The following TMEM87A variants were observed in gnomAD, a reference collection of about 807,000 sequenced individuals.
TMEM87A encodes the protein Golgi-pH regulating cation channel.
In TMEM87A, 50 loss-of-function variants were observed where a neutral mutation model predicts 90.0. The observed-to-expected ratio is 0.56, with a 90% confidence interval of 0.44 to 0.70. The LOEUF (loss-of-function observed/expected upper bound fraction) is 0.70, where lower values mean the gene tolerates loss of function less well. Ranked by LOEUF, TMEM87A falls within the 30% of genes least tolerant of loss-of-function variation. The probability of loss-of-function intolerance (pLI) is 0.00; values close to 1 mark genes in which losing one functional copy is unlikely to be tolerated. For missense variants in TMEM87A, 577 were observed against 660.5 expected, an observed-to-expected ratio of 0.87 and a Z score of 1.39; for synonymous variants, 226 against 226.7, an observed-to-expected ratio of 1.00 and a Z score of 0.03.
chr15:42,227,486 C>T (rs549013814), intron 14 of TMEM87A: 15 of 432,444 alleles, frequency 3.5e-5, no homozygotes, highest in Admixed American at 1.2e-4. Flanking sequence ...AATTCTCTCC[C>T]AAAACTGGGA....
At chr15:42,263,844 G>A (rs560277327) in intron 4 of TMEM87A, among the ~76,000 whole-genome samples, 2 of 152,296 alleles carry the variant, frequency 1.3e-5, no homozygotes, top group African/African-American at 4.8e-5. Flanking sequence ...GGTTAAAATG[G>A]TAAATTTTAT....
In TMEM87A at chr15:42,244,156, T is replaced by C. The variant is rs748266100; in HGVS notation, c.516A>G (p.Glu172=). The change falls in exon 7 of 20, where the codon GAA becomes GAG. Residue 172 remains glutamate, a synonymous_variant. Coordinates refer to ENST00000389834, the MANE Select transcript of TMEM87A (RefSeq NM_015497.5). The stretch of plus-strand genomic sequence containing the variant: ...GTGCATCTTGCCAAGTTTGCAATGG[T>C]TCATGCATTGCCTAGAAAGGGAAAA... ...TFIGDKTAMH[E]PLQTWQDAPY... 4 of 1,555,214 alleles carry C rather than the reference T, an allele frequency of 2.6e-6. No individual in the cohort carries two copies. Among genetic ancestry groups the C allele is most frequent in the Admixed American group, 2.2e-5 (1 of 45,948 alleles).
At chr15:42,270,700 A>G (rs2051505327) in intron 2 of TMEM87A, among the ~76,000 whole-genome samples, 1 of 152,208 alleles carries the variant, frequency 6.6e-6, no homozygotes, top group African/African-American at 2.4e-5. Flanking sequence ...ACAGGCTGTC[A>G]AGCTATTCCA....
chr15:42,271,018 AG>A (rs1307733019), intron 2 of TMEM87A, among the ~76,000 whole-genome samples: 4 of 152,254 alleles, frequency 2.6e-5, no homozygotes, highest in African/African-American at 9.6e-5. Context: ...CCGTGAAGAC[AG>A]TATGCATAGA....
intron 6 of TMEM87A, chr15:42,258,632 G>T: frequency 1.3e-6 from 1 of 791,448 alleles, no homozygotes; most frequent in Non-Finnish European, 1.6e-6. Flanking sequence ...TCACCACATT[G>T]GCCAAGCTGG....
intron 15 of TMEM87A, among the ~76,000 whole-genome samples, chr15:42,222,981 A>G (rs868401721): frequency 1.3e-5 from 2 of 152,332 alleles, no homozygotes; most frequent in Non-Finnish European, 2.9e-5. Flanking sequence ...ACTACTCCAT[A>G]TTTCTGAGAT....
At chr15:42,225,535 A>G (rs556152613) in intron 15 of TMEM87A, among the ~76,000 whole-genome samples, 1 of 152,192 alleles carries the variant, frequency 6.6e-6, no homozygotes, top group South Asian at 2.1e-4. Context: ...TGATACAATT[A>G]TATCTTCTGT....
At chr15:42,233,030 A>G (rs894005996) in intron 11 of TMEM87A, 183 bp downstream of exon 11, 6 of 380,762 alleles carry the variant, frequency 1.6e-5, no homozygotes, top group East Asian at 4.2e-5. Flanking sequence ...GGCACACACT[A>G]AATTTACAAA....
At chr15:42,248,752 TG>T (rs2051027804) in intron 6 of TMEM87A, among the ~76,000 whole-genome samples, 1 of 152,158 alleles carries the variant, frequency 6.6e-6, no homozygotes, top group Non-Finnish European at 1.5e-5. Flanking sequence ...CTCTTTTTTT[TG>T]TTGTGTCTCC....
chr15:42,229,509 ATCT>A (rs1051886918), intron 12 of TMEM87A, among the ~76,000 whole-genome samples: 3 of 152,016 alleles, frequency 2.0e-5, no homozygotes, highest in African/African-American at 4.8e-5. Context: ...AGTTAACATC[ATCT>A]TCTCTCTCCC....
At chr15:42,273,109 G>C in intron 1 of TMEM87A, 146 bp downstream of exon 1, 1 of 978,584 alleles carries the variant, frequency 1.0e-6, no homozygotes. Context: ...CAGGGAGGTG[G>C]GTCCCAGTTG....
rs560183618 is a variant in TMEM87A, at chr15:42,266,554, C to T, written c.291+1393G>A. Among the ~76,000 whole-genome samples the T allele has an allele frequency of 4.4e-4, 67 of 151,954 alleles. 1 individual carries two copies. In the South Asian group the frequency reaches 0.014, roughly 31 times the overall value. On this transcript the variant is annotated intron_variant, in intron 3 of 19. Transcript: ENST00000389834. ...CTATTTTCATAATAATAATAGTATG[C>T]TATTTGACTTGTAACGATATTACAA... is the stretch of plus-strand genomic sequence containing the variant.
intron 2 of TMEM87A, among the ~76,000 whole-genome samples, chr15:42,269,042 G>C (rs1320564579): frequency 6.6e-6 from 1 of 151,852 alleles, no homozygotes; most frequent in Non-Finnish European, 1.5e-5. Flanking sequence ...CCTTAAAAGA[G>C]GCCTCAAGGA....
intron 15 of TMEM87A, 159 bp downstream of exon 15, chr15:42,226,647 T>C: frequency 1.5e-6 from 1 of 648,652 alleles, no homozygotes; most frequent in South Asian, 2.0e-5. Flanking sequence ...AATCATGAAG[T>C]TAAGAGGAGA....
intron 4 of TMEM87A, among the ~76,000 whole-genome samples, chr15:42,263,552 C>T (rs2051338198): frequency 6.6e-6 from 1 of 152,132 alleles, no homozygotes; most frequent in Admixed American, 6.5e-5. Context: ...CAAGACCAGC[C>T]TGGCTAACAT....
At position 42,227,894 on chromosome 15, in the gene TMEM87A, C is replaced by T. The variant is rs892846052; in HGVS notation, c.1241-125G>A. On this transcript the variant is annotated intron_variant, in intron 13 of 19. Coordinates refer to ENST00000389834, the MANE Select transcript of TMEM87A (RefSeq NM_015497.5). Reference sequence around the variant, plus strand: ...ACCCCCAAATACATCACAACTCTATCAGTTATTTTAACAAATGTATTCAAT... The same window carrying T: ...ACCCCCAAATACATCACAACTCTATTAGTTATTTTAACAAATGTATTCAAT... 9 of 755,078 alleles carry T rather than the reference C, an allele frequency of 1.2e-5. No homozygotes were observed. In the South Asian group the frequency reaches 1.2e-4, roughly 10 times the overall value. The allele number at this position is 755,078 out of a possible 1,614,324, so 46.8% of individuals were successfully genotyped here. A position where few individuals can be genotyped will look rare whatever the true frequency, so the allele number is the denominator to read the frequency against.
At chr15:42,272,371 T>C (rs2051553192) in intron 1 of TMEM87A, among the ~76,000 whole-genome samples, 1 of 152,236 alleles carries the variant, frequency 6.6e-6, no homozygotes, top group Admixed American at 6.5e-5. Context: ...CTATTAACCA[T>C]TTTAGTAACA....
At chr15:42,236,807 A>G (rs2050779431) in intron 9 of TMEM87A, among the ~76,000 whole-genome samples, 1 of 152,254 alleles carries the variant, frequency 6.6e-6, no homozygotes, top group African/African-American at 2.4e-5. Context: ...TGGCATGTAC[A>G]GCTTAACTTT....
At position 42,267,952 on chromosome 15, in the gene TMEM87A, A is replaced by G. The variant is rs1469375669; in HGVS notation, c.286T>C (p.Phe96Leu). ...SADCYNEIYN[F>L]KAEEVELYLE... ...TGTAATTTTATGTTCCTTACCTTGA[A>G]GTTATAGATTTCATTGTAACAATCA... Residue 96 changes from phenylalanine (F) to leucine (L), a missense_variant, in exon 3 of 20, where the codon TTC (phenylalanine) becomes CTC (leucine). Phe to Leu is a conservative substitution (Grantham distance 22, BLOSUM62 0). Coordinates refer to ENST00000389834, the MANE Select transcript of TMEM87A (RefSeq NM_015497.5). 2.5e-6 allele frequency: 4 copies of G among 1,611,684 alleles called. No individual in the cohort carries two copies. Among genetic ancestry groups the G allele is most frequent in the South Asian group, 1.1e-5 (1 of 90,730 alleles).
Sources: gnomAD v4.1 joint callset for allele counts (sites outside exome capture counted in the v4.1 genomes callset) on GRCh38, gnomAD v4.1.1 for gene constraint, MANE v1.5 for transcripts, NCBI Gene and HGNC (gene_info 2026-07-23, HGNC 2026-07-21) for gene names.